The following TMC5 variants were observed in gnomAD, a reference collection of about 807,000 sequenced individuals.
The protein encoded by TMC5 is transmembrane channel-like protein 5.
Under a neutral mutation model 110.5 loss-of-function variants are expected in TMC5, and 86 were observed. The observed-to-expected ratio is 0.78, with a 90% CI of 0.65 to 0.93. The LOEUF (loss-of-function observed/expected upper bound fraction) is 0.93, where lower values mean the gene tolerates loss of function less well. Among genes scored for constraint, TMC5 ranks in the 40% least tolerant of loss-of-function variants. The pLI is 0.00. For missense variants in TMC5, 1,144 were observed against 1,222.8 expected, an observed-to-expected ratio of 0.94 and a Z score of 0.96; for synonymous variants, 455 against 439.5, an observed-to-expected ratio of 1.04 and a Z score of -0.44.
chr16:19,433,377 T>G (rs1967234621), intron 2 of TMC5, among the ~76,000 whole-genome samples: 2 of 152,290 alleles, frequency 1.3e-5, no homozygotes, highest in South Asian at 2.1e-4. Flanking sequence ...ACACAGTCAC[T>G]TATGCTCACA....
At chr16:19,490,707 T>TTTCTTTCCTTCCTTCC (rs1968865317) in intron 18 of TMC5, 139 bp downstream of exon 18, 1 of 651,774 alleles carries the variant, frequency 1.5e-6, no homozygotes, top group African/African-American at 2.2e-5. Flanking sequence ...CATAGGTAGT[T>TTTCTTTCCTTCCTTCC]TTCTTTCCTT....
At chr16:19,475,148 A>G (rs929756303) in intron 12 of TMC5, among the ~76,000 whole-genome samples, 1 of 152,242 alleles carries the variant, frequency 6.6e-6, no homozygotes, top group Non-Finnish European at 1.5e-5. Flanking sequence ...TAGGCCGGGC[A>G]TGGTGGCTCA....
At chr16:19,419,220 T>C (rs1966923202) in intron 1 of TMC5, among the ~76,000 whole-genome samples, 1 of 152,180 alleles carries the variant, frequency 6.6e-6, no homozygotes, top group Admixed American at 6.5e-5. Context: ...ATTCAGTTGC[T>C]GATACATGTG....
chr16:19,495,559 C>T (rs373791935), intron 20 of TMC5, among the ~76,000 whole-genome samples: 46 of 152,178 alleles, frequency 3.0e-4, no homozygotes, highest in African/African-American at 1.0e-3. Context: ...GGTAATGAAA[C>T]ATTTTGTTAC....
chr16:19,428,943 A>G (rs1364846479), intron 1 of TMC5, among the ~76,000 whole-genome samples: 1 of 152,140 alleles, frequency 6.6e-6, no homozygotes, highest in Non-Finnish European at 1.5e-5. Context: ...CCTGTGCCTC[A>G]GCCTCCCAAG....
At chr16:19,438,915 G>A (rs769343986) in intron 2 of TMC5, among the ~76,000 whole-genome samples, 6 of 152,232 alleles carry the variant, frequency 3.9e-5, no homozygotes, top group African/African-American at 9.6e-5. Context: ...AGGGACTTAG[G>A]TGCTGCCACA....
chr16:19,463,639 T>C (rs1968084539), intron 7 of TMC5, 137 bp from the exon 8 acceptor site: 1 of 1,167,348 alleles, frequency 8.6e-7, no homozygotes, highest in Non-Finnish European at 1.2e-6. Context: ...GACATAACAT[T>C]TGTAAACATG....
Position 19,463,993 on chromosome 16 carries a change from A to G in TMC5, c.1454A>G (p.Gln485Arg). ...ACCGTGGCCAAAAAGAACACCCTCC[A>G]GTTCACTGGGCTGGAGTTTTTCACT... is the stretch of plus-strand genomic sequence containing the variant. ...QFTVAKKNTL[Q>R]FTGLEFFTGV... Residue 485 changes from glutamine to arginine, a missense_variant, in exon 8 of 22, where the codon CAG becomes CGG. Physicochemically the swap from Gln to Arg is conservative, Grantham distance 43. Coordinates refer to ENST00000542583, the MANE Select transcript of TMC5 (RefSeq NM_001261841.2). 6.2e-7 allele frequency: 1 copy of G among 1,614,194 alleles called. No individual in the cohort carries two copies. The highest frequency in any genetic ancestry group is 1.1e-5 in the South Asian group (1 of 91,084).
At chr16:19,497,008 C>A in intron 20 of TMC5, 113 bp from the exon 21 acceptor site, 2 of 1,009,326 alleles carry the variant, frequency 2.0e-6, no homozygotes, top group Non-Finnish European at 3.1e-6. Flanking sequence ...AATCTCTCAT[C>A]CCTTAACTTC....
upstream of TMC5, among the ~76,000 whole-genome samples, chr16:19,415,137 G>T (rs1295474987): frequency 6.6e-6 from 1 of 152,180 alleles, no homozygotes; most frequent in Non-Finnish European, 1.5e-5. Context: ...TTGTCTACCT[G>T]CAGACAAGAA....
At chr16:19,456,903 G>T (rs1967889711) in intron 5 of TMC5, 2 of 1,614,210 alleles carry the variant, frequency 1.2e-6, no homozygotes, top group East Asian at 2.2e-5. Context: ...GACCAAAAGG[G>T]TAACCAGGTG....
intron 21 of TMC5, 62 bp downstream of exon 21, chr16:19,497,225 C>T (rs1969080022): frequency 8.4e-6 from 13 of 1,540,986 alleles, no homozygotes; most frequent in Non-Finnish European, 1.2e-5. Flanking sequence ...TATCCTAAGA[C>T]AAGTGTAAGA....
chr16:19,440,411 C>A lies in TMC5; in HGVS notation c.373C>A (p.Gln125Lys). Residue 125 changes from glutamine (Q) to lysine (K), a missense_variant, in exon 3 of 22, where the codon CAA (glutamine) becomes AAA (lysine). By Grantham distance (53) the Gln-to-Lys change is moderately conservative. Transcript: ENST00000542583. ...SHPYHRASSRQPDYPGSQRNP... is the reference protein window; with the variant it reads ...SHPYHRASSRKPDYPGSQRNP... ...TCCCTACCACCGAGCATCATCCAGA[C>A]AACCAGACTACCCTGGATCTCAACG... 6.2e-7 allele frequency: 1 copy of A among 1,614,114 alleles called. No homozygotes were observed. The highest frequency in any genetic ancestry group is 8.5e-7 in the Non-Finnish European group (1 of 1,180,024).
chr16:19,494,462 T>C lies in TMC5; in HGVS notation c.2931+96T>C, dbSNP rs1264946825. 9.1e-6 allele frequency: 7 copies of C among 767,250 alleles called. No individual in the cohort carries two copies. In the East Asian group the frequency reaches 1.5e-4, roughly 17 times the overall value. 47.5% of individuals were successfully genotyped at this position (767,250 alleles called of 1,614,324 possible). ...ACTACAGACCAAGCTCTTGGGATCATGGAAGGGCCCTTCACTCTCTGTCTT... is the reference window on the plus strand; with the variant it reads ...ACTACAGACCAAGCTCTTGGGATCACGGAAGGGCCCTTCACTCTCTGTCTT... On this transcript the variant is annotated intron_variant, in intron 20 of 21. Transcript: ENST00000542583.
At chr16:19,455,096 C>T (rs1368987686) in intron 5 of TMC5, among the ~76,000 whole-genome samples, 1 of 152,108 alleles carries the variant, frequency 6.6e-6, no homozygotes, top group Non-Finnish European at 1.5e-5. Context: ...GATCACACTA[C>T]TGCACTCCAG....
At chr16:19,454,299 G>A (rs1370098109) in intron 5 of TMC5, among the ~76,000 whole-genome samples, 5 of 152,094 alleles carry the variant, frequency 3.3e-5, no homozygotes, top group Admixed American at 6.6e-5. Flanking sequence ...ACCCACCTTG[G>A]CCTCCCAAAG....
At position 19,418,475 on chromosome 16, in the gene TMC5, G is replaced by A. The variant is rs530974687; in HGVS notation, c.-308+383G>A. Among the ~76,000 whole-genome samples the A allele has an allele frequency of 2.6e-5, 4 of 152,152 alleles. 1 individual carries two copies. The South Asian group carries it at 8.3e-4, about 32-fold the overall frequency. ...TCAGAGCTAATAAAATACGGTGCAC[G>A]ACAAACACGCAATAAATGTGACCTC... is the stretch of plus-strand genomic sequence containing the variant. On this transcript the variant is annotated intron_variant, in intron 1 of 21. Transcript: ENST00000542583.
At chr16:19,470,453 C>T (rs2143634092) in intron 10 of TMC5, among the ~76,000 whole-genome samples, 1 of 152,284 alleles carries the variant, frequency 6.6e-6, no homozygotes, top group Non-Finnish European at 1.5e-5. Context: ...TCCCAAAGTA[C>T]TGGGATTACA....
At chr16:19,447,492 T>G (rs1967639985) in intron 4 of TMC5, among the ~76,000 whole-genome samples, 1 of 152,226 alleles carries the variant, frequency 6.6e-6, no homozygotes, top group African/African-American at 2.4e-5. Flanking sequence ...ATATTAGAGT[T>G]TAATATGTTC....
Sources: allele counts gnomAD v4.1 joint callset (sites outside exome capture counted in the v4.1 genomes callset), GRCh38; gene constraint gnomAD v4.1.1; transcripts MANE v1.5; gene names NCBI Gene and HGNC (gene_info 2026-07-23, HGNC 2026-07-21).